Variants in SLCO5A1 observed in about 807,000 individuals in gnomAD.
SLCO5A1 encodes the protein solute carrier organic anion transporter family member 5A1.
In SLCO5A1, 39 loss-of-function variants were observed where a neutral mutation model predicts 65.1. The observed-to-expected ratio is 0.60, with a 90% CI of 0.46 to 0.78. The LOEUF is 0.78. Among genes scored for constraint, SLCO5A1 ranks in the 30% least tolerant of loss-of-function variants. The pLI, the probability that SLCO5A1 is intolerant of heterozygous loss-of-function variation, is 0.00. For synonymous variants in SLCO5A1, 438 were observed against 415.7 expected (o/e 1.05, Z -0.65); for missense variants, 1,029 against 1,069.4 (o/e 0.96, Z 0.53).
intron 2 of SLCO5A1, among the ~76,000 whole-genome samples, chr8:69,766,224 A>G (rs1818052884): frequency 6.6e-6 from 1 of 152,126 alleles, no homozygotes; most frequent in African/African-American, 2.4e-5. Flanking sequence ...CCTACAATGT[A>G]TGTCAACACA....
chr8:69,786,856 G>T (rs1043079128), intron 2 of SLCO5A1, among the ~76,000 whole-genome samples: 6 of 152,210 alleles, frequency 3.9e-5, no homozygotes, highest in Non-Finnish European at 8.8e-5. Flanking sequence ...CAGCCTGAAA[G>T]AAATTAAGTA....
intron 9 of SLCO5A1, among the ~76,000 whole-genome samples, chr8:69,674,680 G>A (rs969774620): frequency 6.6e-6 from 1 of 151,714 alleles, no homozygotes; most frequent in African/African-American, 2.4e-5. Context: ...CATATCAAAT[G>A]ACCCCAACTC....
chr8:69,778,510 G>T (rs1467726098), intron 2 of SLCO5A1, among the ~76,000 whole-genome samples: 4 of 151,958 alleles, frequency 2.6e-5, no homozygotes, highest in African/African-American at 9.7e-5. Flanking sequence ...TGTGTTAAAA[G>T]TTGTTAGCTC....
intron 2 of SLCO5A1, among the ~76,000 whole-genome samples, chr8:69,781,952 C>T (rs963640850): frequency 5.9e-5 from 9 of 152,112 alleles, no homozygotes; most frequent in Non-Finnish European, 8.8e-5. Context: ...CCACTGCGCC[C>T]GGCCTATTAT....
chr8:69,821,714 A>AG (rs1820651815), intron 2 of SLCO5A1, among the ~76,000 whole-genome samples: 1 of 151,420 alleles, frequency 6.6e-6, no homozygotes, highest in African/African-American at 2.4e-5. Context: ...CTAAGGTGGG[A>AG]GAAACACCTG....
intron 2 of SLCO5A1, among the ~76,000 whole-genome samples, chr8:69,776,638 C>T (rs1243039851): frequency 2.0e-5 from 3 of 151,906 alleles, no homozygotes; most frequent in African/African-American, 4.8e-5. Flanking sequence ...TGCAGTGAGC[C>T]GTGATCATGC....
At chr8:69,773,577 T>C (rs1365730737) in intron 2 of SLCO5A1, among the ~76,000 whole-genome samples, 1 of 152,234 alleles carries the variant, frequency 6.6e-6, no homozygotes, top group African/African-American at 2.4e-5. Flanking sequence ...ATTCCCCTTC[T>C]CATTCATTCT....
At chr8:69,712,709 C>T (rs1372339059) in intron 5 of SLCO5A1, among the ~76,000 whole-genome samples, 1 of 152,178 alleles carries the variant, frequency 6.6e-6, no homozygotes, top group Non-Finnish European at 1.5e-5. Context: ...TGTTATCTTT[C>T]TTTAAGGTTC....
rs960102814 is a variant in SLCO5A1 at position 69,723,699 on chromosome 8, A to G, written c.1423+14341T>C. 4.6e-5 allele frequency among the ~76,000 whole-genome samples: 7 copies of G among 152,184 alleles called. No homozygotes were observed. In the South Asian group the frequency reaches 1.0e-3, roughly 22 times the overall value. On this transcript the variant is annotated intron_variant, in intron 5 of 9. Coordinates refer to ENST00000260126, the MANE Select transcript of SLCO5A1 (RefSeq NM_030958.3). ...AGAAAAGGAAGCCAAGGAGAGTTGT[A>G]AAATCTCTTTCCTTGAAGTTTTTCC...
At chr8:69,754,264 T>C (rs1211986161) in intron 4 of SLCO5A1, among the ~76,000 whole-genome samples, 1 of 152,072 alleles carries the variant, frequency 6.6e-6, no homozygotes, top group African/African-American at 2.4e-5. Flanking sequence ...CACAAAATCA[T>C]GGGAAGGGAG....
At position 69,672,848 on chromosome 8, in the gene SLCO5A1, A is replaced by G. The variant is rs777806005; in HGVS notation, c.*21T>C. On this transcript the variant is annotated 3_prime_UTR_variant, in exon 10 of 10. Transcript: ENST00000260126. ...CATTTTCAATTCAACCAACAAAACT[A>G]AATTCTTCCATTTTCAAGCTTCAGG... The G allele has an allele frequency of 6.3e-7, 1 of 1,578,758 alleles. No individual in the cohort carries two copies. The highest frequency in any genetic ancestry group is 8.6e-7 in the Non-Finnish European group (1 of 1,164,486).
intron 5 of SLCO5A1, among the ~76,000 whole-genome samples, chr8:69,732,102 G>A (rs1054805645): frequency 1.3e-5 from 2 of 152,202 alleles, no homozygotes; most frequent in African/African-American, 4.8e-5. Context: ...TAAAGATGAA[G>A]TGATTCCCAA....
intron 2 of SLCO5A1, among the ~76,000 whole-genome samples, chr8:69,825,344 T>C (rs1351083333): frequency 1.3e-5 from 2 of 152,242 alleles, no homozygotes; most frequent in African/African-American, 4.8e-5. Flanking sequence ...AAATTGTCCC[T>C]GTTTGCAGAT....
Position 69,832,038 on chromosome 8 carries a change from G to T in SLCO5A1, c.636C>A (p.Phe212Leu). 6.2e-7 allele frequency: 1 copy of T among 1,611,034 alleles called. No individual in the cohort carries two copies. The highest frequency in any genetic ancestry group is 8.5e-7 in the Non-Finnish European group (1 of 1,178,968). Residue 212 changes from phenylalanine to leucine, a missense_variant, in exon 2 of 10, where the codon TTC becomes TTA. By Grantham distance (22) the Phe-to-Leu change is conservative (BLOSUM62 0). This residue lies in a region of SLCO5A1 where 647 missense variants were observed against 647.5 expected (regional missense o/e 1.00). Transcript: ENST00000260126. This position sits in a 1 kb window ranked among gnomAD's most constrained non-coding sequence, Gnocchi z 4.5. ...GGGGCGAGATGAAGTGAGGTAAGGC[G>T]AAGAGGGCTGCCCCGAAGGCGATGA... ...GLLIAFGAAL[F>L]ALPHFISPPY...
chr8:69,699,192 C>G (rs1278390091), intron 6 of SLCO5A1, among the ~76,000 whole-genome samples: 1 of 152,194 alleles, frequency 6.6e-6, no homozygotes, highest in African/African-American at 2.4e-5. Context: ...TTCCCTCATA[C>G]TCCCTGTTTT....
chr8:69,784,650 T>G (rs1439485691), intron 2 of SLCO5A1, among the ~76,000 whole-genome samples: 1 of 151,238 alleles, frequency 6.6e-6, no homozygotes, highest in African/African-American at 2.4e-5. Context: ...TAGACAGGCA[T>G]GGTGGTGTGT....
chr8:69,804,659 A>G (rs1563734461), intron 2 of SLCO5A1, among the ~76,000 whole-genome samples: 1 of 152,156 alleles, frequency 6.6e-6, no homozygotes, highest in Non-Finnish European at 1.5e-5. Context: ...TGATGCTCAT[A>G]TTAGTATTTT....
intron 2 of SLCO5A1, among the ~76,000 whole-genome samples, chr8:69,812,657 AAACTGAAGCCAGCAATTTAGAGT>A (rs1820255417): frequency 6.6e-6 from 1 of 152,290 alleles, no homozygotes; most frequent in African/African-American, 2.4e-5. Flanking sequence ...CACAACCAAA[AAACTGAAGCCAGCAATTTAGAGT>A]AACACTACCC....
intron 8 of SLCO5A1, 49 bp downstream of exon 8, chr8:69,679,329 G>C (rs1186776567): frequency 1.2e-6 from 2 of 1,607,012 alleles, no homozygotes; most frequent in Admixed American, 3.4e-5. Flanking sequence ...TATGTGCTCT[G>C]GAAATTATAA....
Sources: gnomAD v4.1 joint callset for allele counts (sites outside exome capture counted in the v4.1 genomes callset) on GRCh38, gnomAD v4.1.1 for gene constraint, gnomAD v4.1.1 regional missense constraint, Gnocchi (gnomAD v3.1) non-coding constraint, MANE v1.5 for transcripts, NCBI Gene and HGNC (gene_info 2026-07-23, HGNC 2026-07-21) for gene names.